Variants in MTUS2 observed in about 807,000 individuals in gnomAD.
MTUS2 encodes microtubule associated scaffold protein 2, also known as microtubule-associated tumor suppressor candidate 2.
Under a neutral mutation model 114.1 loss-of-function variants are expected in MTUS2, and 40 were observed. The observed-to-expected ratio is 0.35, with a 90% CI of 0.27 to 0.46. MTUS2 has a LOEUF of 0.46. Ranked by LOEUF, MTUS2 falls within the 20% of genes least tolerant of loss-of-function variation. The pLI, the probability that MTUS2 is intolerant of heterozygous loss-of-function variation, is 1.00. For missense variants in MTUS2, 1,679 were observed against 1,705.4 expected, an observed-to-expected ratio of 0.98 and a Z score of 0.27; for synonymous variants, 688 against 672.0, an observed-to-expected ratio of 1.02 and a Z score of -0.37.
At chr13:29,309,556 C>T (rs1009886564) in intron 6 of MTUS2, among the ~76,000 whole-genome samples, 15 of 149,058 alleles carry the variant, frequency 1.0e-4, no homozygotes, top group Non-Finnish European at 4.4e-5. Flanking sequence ...AACAAACCTG[C>T]ACATCCTGCA....
intron 5 of MTUS2, among the ~76,000 whole-genome samples, chr13:29,179,027 A>G (rs941415709): frequency 6.6e-6 from 1 of 152,238 alleles, no homozygotes; most frequent in Non-Finnish European, 1.5e-5. Context: ...GTTCAGTTAC[A>G]GAAAACTGTG....
intron 5 of MTUS2, among the ~76,000 whole-genome samples, chr13:29,192,838 G>A (rs1894503694): frequency 6.6e-6 from 1 of 152,138 alleles, no homozygotes; most frequent in Non-Finnish European, 1.5e-5. Context: ...CCACGATCAG[G>A]TTGCCTGCGT....
intron 7 of MTUS2, among the ~76,000 whole-genome samples, chr13:29,347,628 T>C (rs4463938): frequency 0.81 from 122,922 of 151,710 alleles, 50,713 homozygotes; most frequent in East Asian, 0.9. Context: ...GGACGCCACC[T>C]GAGTGTCCTA....
chr13:29,318,239 C>A (rs1900092484), intron 6 of MTUS2, among the ~76,000 whole-genome samples: 1 of 150,756 alleles, frequency 6.6e-6, no homozygotes, highest in Non-Finnish European at 1.5e-5. Context: ...AGATTAAGAG[C>A]CTATAAAAAT....
intron 5 of MTUS2, among the ~76,000 whole-genome samples, chr13:29,151,370 G>A (rs574795783): frequency 1.4e-4 from 21 of 152,122 alleles, no homozygotes; most frequent in Admixed American, 5.2e-4. Context: ...AAATACCACC[G>A]GTTTTTGTCT....
At chr13:29,237,919 T>G (rs1003026643) in intron 5 of MTUS2, among the ~76,000 whole-genome samples, 1 of 151,930 alleles carries the variant, frequency 6.6e-6, no homozygotes, top group East Asian at 1.9e-4. Flanking sequence ...TAAGTGCTCA[T>G]AAGAATGTAA....
intron 2 of MTUS2, among the ~76,000 whole-genome samples, chr13:28,865,567 AATTG>A (rs1164853252): frequency 1.3e-5 from 2 of 152,150 alleles, no homozygotes; most frequent in Non-Finnish European, 2.9e-5. Context: ...TAGTTATGCA[AATTG>A]TTTTAGCATC....
chr13:28,841,789 C>T (rs749620090), intron 2 of MTUS2, among the ~76,000 whole-genome samples: 11 of 151,928 alleles, frequency 7.2e-5, no homozygotes, highest in East Asian at 5.8e-4. Context: ...CAGGTTCAAG[C>T]GATTCTCCTG....
chr13:28,989,831 G>A (rs1018464336), intron 2 of MTUS2, among the ~76,000 whole-genome samples: 6 of 143,052 alleles, frequency 4.2e-5, no homozygotes, highest in Admixed American at 3.7e-4. Context: ...CAGGCTTTGG[G>A]CCTTTTTTTT....
At chr13:29,465,624 A>G (rs895439427) in intron 9 of MTUS2, among the ~76,000 whole-genome samples, 2 of 151,974 alleles carry the variant, frequency 1.3e-5, no homozygotes, top group Non-Finnish European at 2.9e-5. Context: ...TCTGGTCCCA[A>G]CTTGTTGCTG....
At chr13:28,927,451 A>G (rs1881384540) in intron 2 of MTUS2, among the ~76,000 whole-genome samples, 1 of 152,176 alleles carries the variant, frequency 6.6e-6, no homozygotes, top group Non-Finnish European at 1.5e-5. Context: ...CTGTAGTCCC[A>G]GCTGCTCAGG....
intron 6 of MTUS2, among the ~76,000 whole-genome samples, chr13:29,322,850 C>T (rs954685492): frequency 2.0e-5 from 3 of 152,138 alleles, no homozygotes; most frequent in East Asian, 3.9e-4. Context: ...GGGACAGTGA[C>T]AGCAGTATGG....
chr13:29,144,365 A>T (rs890004464), intron 5 of MTUS2, among the ~76,000 whole-genome samples: 1 of 142,956 alleles, frequency 7.0e-6, no homozygotes, highest in Non-Finnish European at 1.5e-5. Flanking sequence ...CTGGGGAATA[A>T]TTTTTTTTTT....
intron 9 of MTUS2, among the ~76,000 whole-genome samples, chr13:29,463,869 C>T (rs574998604): frequency 3.3e-4 from 50 of 152,288 alleles, no homozygotes; most frequent in Middle Eastern, 3.4e-3. Flanking sequence ...TGTGGTGGCA[C>T]GTACCTGTAA....
chr13:29,463,853 G>A (rs1322247771), intron 9 of MTUS2, among the ~76,000 whole-genome samples: 2 of 152,168 alleles, frequency 1.3e-5, no homozygotes, highest in African/African-American at 4.8e-5. Context: ...ATGAAAATTA[G>A]CCAGGTGTGG....
At chr13:28,886,788 G>A (rs1878616926) in intron 2 of MTUS2, among the ~76,000 whole-genome samples, 1 of 152,234 alleles carries the variant, frequency 6.6e-6, no homozygotes, top group Non-Finnish European at 1.5e-5. Context: ...GTTTATGGAT[G>A]ATAAACCATT....
intron 5 of MTUS2, among the ~76,000 whole-genome samples, chr13:29,221,718 TTC>T (rs1425412529): frequency 6.6e-6 from 1 of 152,104 alleles, no homozygotes; most frequent in Non-Finnish European, 1.5e-5. Flanking sequence ...ATGATTTGTG[TTC>T]TTTTTGTTTC....
At chr13:29,356,006 G>C (rs1177255526) in intron 7 of MTUS2, among the ~76,000 whole-genome samples, 1 of 152,148 alleles carries the variant, frequency 6.6e-6, no homozygotes, top group Non-Finnish European at 1.5e-5. Flanking sequence ...TGCTTCTTTG[G>C]AAAGAGTCTA....
At chr13:29,101,351 C>T (rs945226105) in intron 5 of MTUS2, among the ~76,000 whole-genome samples, 4 of 151,724 alleles carry the variant, frequency 2.6e-5, no homozygotes, top group Admixed American at 6.6e-5. Context: ...ATCATTTAGT[C>T]GCCTGTGATT....
Sources: allele counts gnomAD v4.1 joint callset (sites outside exome capture counted in the v4.1 genomes callset), GRCh38; gene constraint gnomAD v4.1.1; transcripts MANE v1.5; gene names NCBI Gene and HGNC (gene_info 2026-07-23, HGNC 2026-07-21).